Variants in FARS2 observed in about 807,000 individuals in gnomAD.
The protein encoded by FARS2 is phenylalanine--tRNA ligase, mitochondrial.
FARS2 carries 40 observed loss-of-function variants against 46.4 expected under a neutral mutation model. That is an observed-to-expected ratio of 0.86 (90% CI 0.67 to 1.12). The LOEUF is 1.12. FARS2 is among the 50% of genes most tolerant of loss of function. FARS2 has a pLI of 0.00. For missense variants in FARS2, 513 were observed against 567.9 expected, an observed-to-expected ratio of 0.90 and a Z score of 0.98; for synonymous variants, 234 against 214.9, an observed-to-expected ratio of 1.09 and a Z score of -0.78.
intron 2 of FARS2, among the ~76,000 whole-genome samples, chr6:5,373,786 C>T (rs563962743): frequency 4.6e-5 from 7 of 151,904 alleles, no homozygotes; most frequent in South Asian, 4.2e-4. Context: ...GCTTGAGAAG[C>T]GCTGCTCTAT....
chr6:5,646,895 C>G (rs1183658182), intron 6 of FARS2, among the ~76,000 whole-genome samples: 1 of 152,016 alleles, frequency 6.6e-6, no homozygotes, highest in East Asian at 1.9e-4. Flanking sequence ...GATATGGAAC[C>G]CATGGATATG....
At position 5,765,962 on chromosome 6, in the gene FARS2, T is replaced by TA. The variant is rs1000435924; in HGVS notation, c.1218-5321dup. On this transcript the variant is annotated intron_variant, in intron 6 of 6. Coordinates refer to ENST00000274680, the MANE Select transcript of FARS2 (RefSeq NM_006567.5). This position sits in a 1 kb window ranked among gnomAD's most constrained non-coding sequence, Gnocchi z 4.0. ...TCTAAGATGCCTATACCAAAATCTT[T>TA]AAAAAAAATCAAACTCTATCCAGTG... 2.2e-4 allele frequency among the ~76,000 whole-genome samples: 33 copies of TA among 152,120 alleles called. No individual in the cohort carries two copies. Among genetic ancestry groups the TA allele is most frequent in the Admixed American group, 1.6e-3 (24 of 15,292 alleles).
the FARS2 span, among the ~76,000 whole-genome samples, chr6:5,253,511 T>C: frequency 6.6e-6 from 1 of 152,334 alleles, no homozygotes; most frequent in East Asian, 1.9e-4. Flanking sequence ...TTTCAGCAAT[T>C]TTCTTATTTG....
At position 5,298,319 on chromosome 6, in the gene FARS2, G is replaced by A. The variant is rs555002781; in HGVS notation, c.-22+36659G>A. Among the ~76,000 whole-genome samples the A allele has an allele frequency of 9.8e-5, 15 of 152,286 alleles. No individual in the cohort carries two copies. The South Asian group carries it at 1.0e-3, about 11-fold the overall frequency. ...GCTTCCTGGACCCTGCCTCATCGGGGTTGCATTTTATGGCTGGGAAGCCTG... is the reference window on the plus strand; with the variant it reads ...GCTTCCTGGACCCTGCCTCATCGGGATTGCATTTTATGGCTGGGAAGCCTG... On this transcript the variant is annotated intron_variant, in intron 1 of 6. Coordinates refer to ENST00000274680, the MANE Select transcript of FARS2 (RefSeq NM_006567.5).
At chr6:5,678,036 G>A (rs1474863642) in intron 6 of FARS2, among the ~76,000 whole-genome samples, 1 of 152,154 alleles carries the variant, frequency 6.6e-6, no homozygotes, top group East Asian at 1.9e-4. Flanking sequence ...GAGAGATCAA[G>A]GCATCAAAGC....
At chr6:5,652,140 T>G (rs566052944) in intron 6 of FARS2, among the ~76,000 whole-genome samples, 53 of 152,302 alleles carry the variant, frequency 3.5e-4, no homozygotes, top group African/African-American at 1.2e-3. Context: ...ATGAAGGAGC[T>G]AAGTGCTTCT....
intron 3 of FARS2, among the ~76,000 whole-genome samples, chr6:5,427,739 G>T (rs1017124714): frequency 6.6e-6 from 1 of 152,114 alleles, no homozygotes; most frequent in African/African-American, 2.4e-5. Flanking sequence ...CTGTGGAGCA[G>T]TTACCCACGT....
chr6:5,301,525 G>T (rs1356978076), intron 1 of FARS2, among the ~76,000 whole-genome samples: 2 of 152,094 alleles, frequency 1.3e-5, no homozygotes, highest in African/African-American at 4.8e-5. Flanking sequence ...TTTGCAGAAG[G>T]TGTTCTGCCA....
chr6:5,768,989 A>G (rs1450533577), intron 6 of FARS2, among the ~76,000 whole-genome samples: 1 of 152,122 alleles, frequency 6.6e-6, no homozygotes, highest in African/African-American at 2.4e-5. Context: ...GATGAATTCC[A>G]AGTTTATCAT....
At chr6:5,652,881 G>A (rs1777436894) in intron 6 of FARS2, among the ~76,000 whole-genome samples, 1 of 152,218 alleles carries the variant, frequency 6.6e-6, no homozygotes, top group Non-Finnish European at 1.5e-5. Context: ...AGTCTGTAAG[G>A]CAGTGATCGT....
chr6:5,573,090 T>A (rs1179365594), intron 5 of FARS2, among the ~76,000 whole-genome samples: 1 of 152,198 alleles, frequency 6.6e-6, no homozygotes, highest in Non-Finnish European at 1.5e-5. Flanking sequence ...GGCAGTCACA[T>A]AGGACTTCTA....
chr6:5,422,223 G>A (rs140612992), intron 3 of FARS2, among the ~76,000 whole-genome samples: 2,329 of 152,200 alleles, frequency 0.015, 64 homozygotes, highest in African/African-American at 0.053. Context: ...AACAGCATGG[G>A]AAAACCTGCC....
intron 4 of FARS2, among the ~76,000 whole-genome samples, chr6:5,507,131 C>T (rs1203398752): frequency 6.6e-6 from 1 of 152,196 alleles, no homozygotes; most frequent in African/African-American, 2.4e-5. Flanking sequence ...GTGCTTGCAG[C>T]CTTTCAGAGA....
At chr6:5,509,290 G>T (rs769413543) in intron 4 of FARS2, among the ~76,000 whole-genome samples, 1 of 152,210 alleles carries the variant, frequency 6.6e-6, no homozygotes, top group South Asian at 2.1e-4. Flanking sequence ...ATTCCTTGGC[G>T]TGGAGCTCGA....
chr6:5,407,113 A>G (rs985351004), intron 3 of FARS2, among the ~76,000 whole-genome samples: 1 of 147,310 alleles, frequency 6.8e-6, no homozygotes, highest in African/African-American at 2.5e-5. Flanking sequence ...ATTAGTAATC[A>G]GGGAAAAACA....
chr6:5,262,167 C>T (rs1363968219), intron 1 of FARS2, among the ~76,000 whole-genome samples: 1 of 152,252 alleles, frequency 6.6e-6, no homozygotes, highest in Non-Finnish European at 1.5e-5. Flanking sequence ...ATCCATCTTT[C>T]TCCGAACCAC....
intron 1 of FARS2, among the ~76,000 whole-genome samples, chr6:5,331,568 A>C (rs1770801294): frequency 6.6e-6 from 1 of 152,210 alleles, no homozygotes; most frequent in South Asian, 2.1e-4. Flanking sequence ...TAGTGCAATA[A>C]CAAAGGTTTG....
Position 5,381,155 on chromosome 6 carries a change from C to A in FARS2, c.612+11973C>A, listed in dbSNP as rs1373580979. Among the ~76,000 whole-genome samples the A allele has an allele frequency of 2.0e-5, 3 of 151,860 alleles. No individual in the cohort carries two copies. The East Asian group carries it at 5.8e-4, about 29-fold the overall frequency. ...AGCTGGACCTATAGGTTCCCGCCAC[C>A]ACACCCGGCTAATTTTTTGTATTTT... is the stretch of plus-strand genomic sequence containing the variant. On this transcript the variant is annotated intron_variant, in intron 2 of 6. Coordinates refer to ENST00000274680, the MANE Select transcript of FARS2 (RefSeq NM_006567.5).
intron 2 of FARS2, among the ~76,000 whole-genome samples, chr6:5,392,770 A>ATGTG (rs1491378124): frequency 4.0e-5 from 5 of 124,580 alleles, no homozygotes; most frequent in Non-Finnish European, 8.6e-5. Context: ...ACACACACAC[A>ATGTG]TGTATATATA....
Sources: gnomAD v4.1 joint callset for allele counts (sites outside exome capture counted in the v4.1 genomes callset) on GRCh38, gnomAD v4.1.1 for gene constraint, Gnocchi (gnomAD v3.1) non-coding constraint, MANE v1.5 for transcripts, NCBI Gene and HGNC (gene_info 2026-07-23, HGNC 2026-07-21) for gene names.